Variants in DACH1 observed in about 807,000 individuals in gnomAD.
DACH1 encodes the protein dachshund homolog 1.
A neutral mutation model predicts 54.2 loss-of-function variants in DACH1; 12 were observed. The observed-to-expected ratio is 0.22, with a 90% CI of 0.14 to 0.36. The LOEUF (loss-of-function observed/expected upper bound fraction) is 0.36. DACH1 is among the 10% of genes least tolerant of loss of function. DACH1 has a pLI of 1.00. For missense variants in DACH1, 805 were observed against 929.8 expected (o/e 0.87, Z 1.75); for synonymous variants, 386 against 366.2 (o/e 1.05, Z -0.62).
In DACH1 at chr13:71,866,618, C is replaced by A. The variant is rs1446544682; in HGVS notation, c.152G>T (p.Gly51Val). ...APSIGPPASS[G>V]PTLFRPEPIA... ...GGGCTCCGGGCGGAACAGAGTTGGCCCAGAGGACGCCGGGGGTCCGATGGA... is the reference window on the plus strand; with the variant it reads ...GGGCTCCGGGCGGAACAGAGTTGGCACAGAGGACGCCGGGGGTCCGATGGA... Residue 51 changes from glycine to valine, a missense_variant, in exon 1 of 11, where the codon GGG (glycine) becomes GTG (valine). By Grantham distance (109) the Gly-to-Val change is moderately radical. Coordinates refer to ENST00000613252, the MANE Select transcript of DACH1 (RefSeq NM_080759.6). The A allele has an allele frequency of 2.2e-6, 3 of 1,380,354 alleles. No individual in the cohort carries two copies. Among genetic ancestry groups the A allele is most frequent in the Non-Finnish European group, 2.8e-6 (3 of 1,060,728 alleles). The allele number at this position is 1,380,354 out of a possible 1,614,324, so 85.5% of individuals were successfully genotyped here. A position where few individuals can be genotyped will look rare whatever the true frequency, so the allele number is the denominator to read the frequency against.
chr13:71,754,114 C>A (rs1312549873), intron 1 of DACH1, among the ~76,000 whole-genome samples: 1 of 151,884 alleles, frequency 6.6e-6, no homozygotes, highest in Admixed American at 6.6e-5. Context: ...CTCTTTTTTT[C>A]ATATCCTGTT....
At position 71,559,805 on chromosome 13, in the gene DACH1, A is replaced by G. The variant is rs530403179; in HGVS notation, c.1435+15T>C. 1 of 1,613,620 alleles carries G rather than the reference A, an allele frequency of 6.2e-7. No homozygotes were observed. Among genetic ancestry groups the G allele is most frequent in the Admixed American group, 1.7e-5 (1 of 59,992 alleles). ...TAAAGTTTAAAATGGTGACAAGTAG[A>G]AGTATGAGACCTACGGATTCTGTCA... On this transcript the variant is annotated intron_variant, in intron 5 of 10. Transcript: ENST00000613252.
intron 3 of DACH1, among the ~76,000 whole-genome samples, chr13:71,626,593 T>A (rs1425004200): frequency 6.6e-6 from 1 of 151,954 alleles, no homozygotes; most frequent in Non-Finnish European, 1.5e-5. Context: ...CATTTTTCCT[T>A]CTTATCTGCA....
chr13:71,573,653 A>G (rs1466000486), intron 3 of DACH1: 1 of 436,284 alleles, frequency 2.3e-6, no homozygotes, highest in Admixed American at 4.1e-5. Flanking sequence ...GAGTTTTTTA[A>G]AAAATGTATC....
chr13:71,673,304 T>C (rs564482347), intron 2 of DACH1, among the ~76,000 whole-genome samples: 28 of 152,134 alleles, frequency 1.8e-4, no homozygotes, highest in Non-Finnish European at 3.4e-4. Context: ...CCAGGGTATA[T>C]TGTGATTTAA....
At chr13:71,702,027 C>A (rs1002541771) in intron 1 of DACH1, among the ~76,000 whole-genome samples, 1 of 151,820 alleles carries the variant, frequency 6.6e-6, no homozygotes, top group East Asian at 1.9e-4. Flanking sequence ...TTCTTCTTAT[C>A]CAAAAAAATA....
At chr13:71,780,676 G>T (rs952878537) in intron 1 of DACH1, among the ~76,000 whole-genome samples, 1 of 151,322 alleles carries the variant, frequency 6.6e-6, no homozygotes, top group African/African-American at 2.4e-5. Flanking sequence ...TTAATGAAAA[G>T]AATGTTCCTC....
chr13:71,788,126 A>G (rs898560059), intron 1 of DACH1, among the ~76,000 whole-genome samples: 2 of 152,158 alleles, frequency 1.3e-5, no homozygotes, highest in African/African-American at 4.8e-5. Context: ...TTAGGCCACT[A>G]GAAATTTCCA....
At chr13:71,766,984 T>C (rs1028840977) in intron 1 of DACH1, among the ~76,000 whole-genome samples, 1 of 152,114 alleles carries the variant, frequency 6.6e-6, no homozygotes, top group Non-Finnish European at 1.5e-5. Flanking sequence ...CTTGTTTTCC[T>C]AGTTAACACC....
intron 1 of DACH1, among the ~76,000 whole-genome samples, chr13:71,752,488 T>TTCTCTCTC (rs112518177): frequency 5.4e-5 from 8 of 147,940 alleles, no homozygotes; most frequent in Middle Eastern, 3.6e-3. Flanking sequence ...CTCTCTTCCT[T>TTCTCTCTC]TCTCTCTCTC....
At chr13:71,848,472 C>T (rs968313040) in intron 1 of DACH1, among the ~76,000 whole-genome samples, 1 of 151,856 alleles carries the variant, frequency 6.6e-6, no homozygotes, top group Admixed American at 6.6e-5. Flanking sequence ...GATTTTTCTT[C>T]GTGCTTTGTA....
At chr13:71,679,411 G>A (rs1880763353) in intron 2 of DACH1, among the ~76,000 whole-genome samples, 1 of 151,842 alleles carries the variant, frequency 6.6e-6, no homozygotes, top group Admixed American at 6.6e-5. Flanking sequence ...TCATTACTTT[G>A]GTAATGAACT....
intron 1 of DACH1, among the ~76,000 whole-genome samples, chr13:71,808,992 T>C (rs1428135600): frequency 6.6e-6 from 1 of 152,176 alleles, no homozygotes; most frequent in Non-Finnish European, 1.5e-5. Flanking sequence ...TCTTGACATA[T>C]GTGTAATTCT....
intron 1 of DACH1, among the ~76,000 whole-genome samples, chr13:71,825,516 G>C (rs1167301464): frequency 2.0e-5 from 3 of 151,994 alleles, no homozygotes; most frequent in African/African-American, 7.3e-5. Flanking sequence ...GAGTAATTTT[G>C]CCTATTCTGG....
intron 1 of DACH1, among the ~76,000 whole-genome samples, chr13:71,842,669 T>C (rs770948231): frequency 6.6e-6 from 1 of 150,792 alleles, no homozygotes; most frequent in Non-Finnish European, 1.5e-5. Flanking sequence ...CCAAGGAGAG[T>C]TGGAAATAAG....
chr13:71,614,008 C>T (rs1032552133), intron 3 of DACH1, among the ~76,000 whole-genome samples: 4 of 152,018 alleles, frequency 2.6e-5, no homozygotes, highest in South Asian at 2.1e-4. Flanking sequence ...TTTGTTTGTT[C>T]GTTTGTTTTC....
At chr13:71,692,506 C>CTTTTTTTTTTTTTTTTTTTT (rs398023338) in intron 1 of DACH1, among the ~76,000 whole-genome samples, 7 of 44,438 alleles carry the variant, frequency 1.6e-4, no homozygotes, top group East Asian at 1.2e-3. Context: ...CTTTTCTTTC[C>CTTTTTTTTTTTTTTTTTTTT]TTTTTTTTTT....
intron 1 of DACH1, among the ~76,000 whole-genome samples, chr13:71,702,954 T>C (rs1882225925): frequency 6.6e-6 from 1 of 152,202 alleles, no homozygotes; most frequent in African/African-American, 2.4e-5. Context: ...TTTTCAAATA[T>C]CTGTTTAACA....
At chr13:71,596,375 T>C (rs550012292) in intron 3 of DACH1, among the ~76,000 whole-genome samples, 1 of 152,132 alleles carries the variant, frequency 6.6e-6, no homozygotes, top group East Asian at 1.9e-4. Flanking sequence ...CTCAAAGCGC[T>C]AATAGCCTAC....
Sources: gnomAD v4.1 joint callset for allele counts (sites outside exome capture counted in the v4.1 genomes callset) on GRCh38, gnomAD v4.1.1 for gene constraint, MANE v1.5 for transcripts, NCBI Gene and HGNC (gene_info 2026-07-23, HGNC 2026-07-21) for gene names.